Variants in CSMD1 observed in about 807,000 individuals in gnomAD.
The protein encoded by CSMD1 is CUB and sushi domain-containing protein 1.
CSMD1 carries 213 observed loss-of-function variants against 417.5 expected under a neutral mutation model. The observed-to-expected ratio is 0.51, with a 90% CI of 0.46 to 0.57. The LOEUF (loss-of-function observed/expected upper bound fraction) is 0.57. CSMD1 is among the 20% of genes least tolerant of loss of function. The pLI is 0.00. For missense variants in CSMD1, 6,923 were observed against 4,529.7 expected (o/e 1.53, Z -15.17); for synonymous variants, 2,862 against 1,736.8 (o/e 1.65, Z -16.11).
chr8:4,142,389 G>C (rs908938805), intron 3 of CSMD1, among the ~76,000 whole-genome samples: 3 of 150,910 alleles, frequency 2.0e-5, no homozygotes, highest in African/African-American at 7.4e-5. Context: ...TCAGGGAGAG[G>C]ACAGTTTTCT....
Position 3,411,803 on chromosome 8 carries a change from TACACGTATATATAC to T in CSMD1, c.1562-2212_1562-2199del, listed in dbSNP as rs1243410537. On this transcript the variant is annotated intron_variant, in intron 12 of 69. Coordinates refer to ENST00000635120, the MANE Select transcript of CSMD1 (RefSeq NM_033225.6). ...ATACCTGTATATATACACGTATATATACACGTATATATACGTGTATATGTATATATGCACGTATA... is the reference window on the plus strand; with the variant it reads ...ATACCTGTATATATACACGTATATATGTGTATATGTATATATGCACGTATA... 1.4e-4 allele frequency among the ~76,000 whole-genome samples: 18 copies of T among 128,614 alleles called. 2 individuals carry two copies. The East Asian group carries it at 2.8e-3, about 20-fold the overall frequency. 84.4% of individuals were successfully genotyped at this position (128,614 alleles called of 152,430 possible).
chr8:3,891,735 G>A (rs970015489), intron 5 of CSMD1, among the ~76,000 whole-genome samples: 1 of 152,014 alleles, frequency 6.6e-6, no homozygotes, highest in Admixed American at 6.6e-5. Context: ...CTCCCAGGCA[G>A]TATAACACTG....
At chr8:3,926,116 C>G (rs371337878) in intron 5 of CSMD1, among the ~76,000 whole-genome samples, 1 of 106,912 alleles carries the variant, frequency 9.4e-6, no homozygotes, top group African/African-American at 4.3e-5. Flanking sequence ...CACACACACA[C>G]ACACACACAC....
At chr8:4,134,275 G>T (rs1046368034) in intron 3 of CSMD1, among the ~76,000 whole-genome samples, 2 of 152,146 alleles carry the variant, frequency 1.3e-5, no homozygotes, top group African/African-American at 4.8e-5. Flanking sequence ...CACAAAATGT[G>T]ACTGTATTTG....
chr8:4,400,059 T>C (rs907013685), intron 3 of CSMD1, among the ~76,000 whole-genome samples: 1 of 152,156 alleles, frequency 6.6e-6, no homozygotes, highest in Non-Finnish European at 1.5e-5. Context: ...TTATGGACAG[T>C]ATCAGCATGC....
At chr8:4,196,644 T>C (rs535323006) in intron 3 of CSMD1, among the ~76,000 whole-genome samples, 28 of 152,294 alleles carry the variant, frequency 1.8e-4, no homozygotes, top group Non-Finnish European at 3.2e-4. Context: ...CCAGTCCTCA[T>C]TGAATCTTTG....
chr8:4,235,217 G>A (rs1310878841), intron 3 of CSMD1, among the ~76,000 whole-genome samples: 3 of 152,068 alleles, frequency 2.0e-5, no homozygotes, highest in African/African-American at 7.2e-5. Context: ...TGGACCAAGG[G>A]TGCAAAAAAG....
intron 52 of CSMD1, among the ~76,000 whole-genome samples, chr8:3,001,151 T>C (rs1403545230): frequency 6.6e-6 from 1 of 151,968 alleles, no homozygotes; most frequent in African/African-American, 2.4e-5. Context: ...CATGCCTGAG[T>C]AATTTTTTTA....
chr8:4,448,388 A>G (rs1331029103), intron 2 of CSMD1, among the ~76,000 whole-genome samples: 1 of 152,116 alleles, frequency 6.6e-6, no homozygotes, highest in African/African-American at 2.4e-5. Context: ...CAGTTGTCCA[A>G]CTCCTACTTT....
chr8:3,439,296 T>TAAAA (rs1814798281), intron 12 of CSMD1, among the ~76,000 whole-genome samples: 2 of 50,526 alleles, frequency 4.0e-5, no homozygotes, highest in Admixed American at 2.2e-4. Flanking sequence ...TATATATATA[T>TAAAA]ATATATATAT....
chr8:4,276,064 G>C (rs1183613136), intron 3 of CSMD1, among the ~76,000 whole-genome samples: 1 of 152,110 alleles, frequency 6.6e-6, no homozygotes, highest in South Asian at 2.1e-4. Context: ...ACAGTGTGAC[G>C]ATTCCTTAAG....
intron 3 of CSMD1, among the ~76,000 whole-genome samples, chr8:4,235,830 G>A (rs1400224605): frequency 2.6e-5 from 4 of 152,134 alleles, no homozygotes; most frequent in Non-Finnish European, 5.9e-5. Flanking sequence ...AACACTCAGA[G>A]GAGAGGAGAC....
intron 5 of CSMD1, among the ~76,000 whole-genome samples, chr8:3,985,118 A>G (rs1453568383): frequency 6.6e-6 from 1 of 151,974 alleles, no homozygotes; most frequent in Non-Finnish European, 1.5e-5. Context: ...GAAGAATTAC[A>G]CCATAGATCA....
intron 26 of CSMD1, among the ~76,000 whole-genome samples, chr8:3,237,501 T>C (rs1799221705): frequency 6.8e-6 from 1 of 148,090 alleles, no homozygotes; most frequent in Non-Finnish European, 1.5e-5. Flanking sequence ...TAAATAAAAG[T>C]ATATAATATT....
chr8:3,707,153 C>G (rs1162499264), intron 7 of CSMD1, among the ~76,000 whole-genome samples: 1 of 152,108 alleles, frequency 6.6e-6, no homozygotes, highest in Non-Finnish European at 1.5e-5. Context: ...GTCACACAAG[C>G]AATTGTCAGG....
intron 3 of CSMD1, among the ~76,000 whole-genome samples, chr8:4,071,955 C>T (rs145125292): frequency 5.8e-4 from 89 of 152,286 alleles, no homozygotes; most frequent in African/African-American, 2.0e-3. Context: ...CAGTGTGGGG[C>T]TCTCCAGTCT....
intron 2 of CSMD1, among the ~76,000 whole-genome samples, chr8:4,455,580 T>C (rs925256231): frequency 2.6e-5 from 4 of 152,184 alleles, no homozygotes; most frequent in South Asian, 2.1e-4. Context: ...TGAGATCAAA[T>C]TGACAAATTG....
At chr8:4,397,586 G>C (rs982691335) in intron 3 of CSMD1, among the ~76,000 whole-genome samples, 3 of 126,602 alleles carry the variant, frequency 2.4e-5, no homozygotes, top group Non-Finnish European at 3.1e-5. Flanking sequence ...CCAGGCCACA[G>C]TGCAGCACCT....
intron 2 of CSMD1, among the ~76,000 whole-genome samples, chr8:4,432,335 G>C (rs537942599): frequency 1.3e-5 from 2 of 152,124 alleles, no homozygotes; most frequent in African/African-American, 2.4e-5. Context: ...TTACTCAAAG[G>C]ACTGCTTGTA....
Sources: gnomAD v4.1 joint callset for allele counts (sites outside exome capture counted in the v4.1 genomes callset) on GRCh38, gnomAD v4.1.1 for gene constraint, MANE v1.5 for transcripts, NCBI Gene and HGNC (gene_info 2026-07-23, HGNC 2026-07-21) for gene names.